Variants in RASGRF2 observed in about 807,000 individuals in gnomAD.
RASGRF2 encodes the protein ras-specific guanine nucleotide-releasing factor 2.
In RASGRF2, 76 loss-of-function variants were observed where a neutral mutation model predicts 151.0. The ratio of observed to expected loss-of-function variants is 0.50; its 90% CI spans 0.42 to 0.61. The LOEUF is 0.61. Among genes scored for constraint, RASGRF2 ranks in the 20% least tolerant of loss-of-function variants. RASGRF2 has a pLI of 0.00. For missense variants in RASGRF2, 1,148 were observed against 1,564.6 expected (o/e 0.73, Z 4.49); for synonymous variants, 504 against 566.5 (o/e 0.89, Z 1.57).
chr5:81,062,509 T>G (rs1414788852), intron 2 of RASGRF2, among the ~76,000 whole-genome samples: 1 of 152,240 alleles, frequency 6.6e-6, no homozygotes, highest in African/African-American at 2.4e-5. Context: ...TTTTCTTTCA[T>G]TATTATTTAT....
At chr5:80,969,426 G>A (rs1193517575) in intron 1 of RASGRF2, among the ~76,000 whole-genome samples, 1 of 149,564 alleles carries the variant, frequency 6.7e-6, no homozygotes, top group African/African-American at 2.5e-5. Flanking sequence ...GAGCCACCAC[G>A]ACTGGCCAGC....
At chr5:81,005,857 G>A (rs1749251589) in intron 1 of RASGRF2, among the ~76,000 whole-genome samples, 1 of 152,172 alleles carries the variant, frequency 6.6e-6, no homozygotes, top group Non-Finnish European at 1.5e-5. Context: ...TGATAGAGAG[G>A]GCATTAAGTC....
At chr5:81,010,499 G>A (rs1561552570) in intron 1 of RASGRF2, among the ~76,000 whole-genome samples, 2 of 152,130 alleles carry the variant, frequency 1.3e-5, no homozygotes, top group South Asian at 2.1e-4. Context: ...TGGAGAGTTC[G>A]AGAGAAGTTT....
intron 2 of RASGRF2, among the ~76,000 whole-genome samples, chr5:81,057,068 C>T (rs550271611): frequency 6.3e-4 from 96 of 152,130 alleles, no homozygotes; most frequent in African/African-American, 2.2e-3. Context: ...CACACTGATG[C>T]GTGTTGACTC....
At chr5:81,097,182 A>G (rs934845078) in intron 12 of RASGRF2, among the ~76,000 whole-genome samples, 1 of 152,112 alleles carries the variant, frequency 6.6e-6, no homozygotes, top group African/African-American at 2.4e-5. Flanking sequence ...GGTGGTCTCA[A>G]ACTTCTGACC....
intron 1 of RASGRF2, among the ~76,000 whole-genome samples, chr5:81,003,500 G>A (rs532897525): frequency 2.5e-4 from 38 of 152,272 alleles, no homozygotes; most frequent in African/African-American, 8.7e-4. Flanking sequence ...TGGGATTACA[G>A]GCGTGAGCCA....
chr5:80,986,791 C>G (rs1247253817), intron 1 of RASGRF2, among the ~76,000 whole-genome samples: 1 of 152,212 alleles, frequency 6.6e-6, no homozygotes, highest in African/African-American at 2.4e-5. Flanking sequence ...CACCTCCTTT[C>G]CAATTCATTC....
At chr5:81,122,357 A>G (rs1270449727) in intron 15 of RASGRF2, among the ~76,000 whole-genome samples, 4 of 152,050 alleles carry the variant, frequency 2.6e-5, no homozygotes, top group Non-Finnish European at 5.9e-5. Context: ...AGTTATTTAG[A>G]AAATAATAAA....
chr5:80,989,435 C>T (rs541624), intron 1 of RASGRF2, among the ~76,000 whole-genome samples: 72,940 of 152,012 alleles, frequency 0.48, 18,323 homozygotes, highest in Middle Eastern at 0.66. Flanking sequence ...GGAAATGTTA[C>T]TGATGATTTT....
intron 1 of RASGRF2, among the ~76,000 whole-genome samples, chr5:81,029,505 G>T (rs1750160537): frequency 6.6e-6 from 1 of 152,180 alleles, no homozygotes; most frequent in African/African-American, 2.4e-5. Context: ...TTGCTGTTCT[G>T]CAGCCTCCGC....
intron 2 of RASGRF2, among the ~76,000 whole-genome samples, chr5:81,066,169 G>A (rs962019680): frequency 6.6e-6 from 1 of 151,794 alleles, no homozygotes; most frequent in Admixed American, 6.6e-5. Flanking sequence ...TCTCCCTTAA[G>A]TTCTCCCACA....
intron 7 of RASGRF2, among the ~76,000 whole-genome samples, chr5:81,083,242 C>T (rs1040232269): frequency 5.3e-5 from 8 of 150,354 alleles, no homozygotes; most frequent in Non-Finnish European, 1.0e-4. Flanking sequence ...TAAGGGTGGA[C>T]GCCTCAGGAT....
At chr5:81,157,420 A>G (rs1325676266) in intron 17 of RASGRF2, among the ~76,000 whole-genome samples, 2 of 152,120 alleles carry the variant, frequency 1.3e-5, no homozygotes, top group African/African-American at 4.8e-5. Flanking sequence ...AAAGTCCTAT[A>G]AAGTACCAAA....
chr5:81,219,914 C>T, intron 26 of RASGRF2, 136 bp downstream of exon 26: 2 of 503,754 alleles, frequency 4.0e-6, no homozygotes, highest in Non-Finnish European at 6.8e-6. Flanking sequence ...AAATCTTTGG[C>T]TAGTCTGATT....
In RASGRF2 at chr5:81,094,950, C is replaced by G; in HGVS notation, c.1713C>G (p.Pro571=). The G allele has an allele frequency of 6.3e-7, 1 of 1,590,034 alleles. No homozygotes were observed. The highest frequency in any genetic ancestry group is 8.6e-7 in the Non-Finnish European group (1 of 1,167,492). Reference sequence around the variant, plus strand: ...CCTTCACTGTTGTCTTGTTAGCACCCTCACGCCAGGAGAAAGCTGCCTGGA... The same window carrying G: ...CCTTCACTGTTGTCTTGTTAGCACCGTCACGCCAGGAGAAAGCTGCCTGGA... ...AAAFTVVLLA[P]SRQEKAAWMS... The change falls in exon 12 of 27, where the codon CCC becomes CCG. Residue 571 remains proline, a synonymous_variant. Coordinates refer to ENST00000265080, the MANE Select transcript of RASGRF2 (RefSeq NM_006909.3).
intron 2 of RASGRF2, among the ~76,000 whole-genome samples, chr5:81,050,538 C>G (rs556876930): frequency 2.0e-5 from 3 of 152,104 alleles, no homozygotes; most frequent in Non-Finnish European, 4.4e-5. Context: ...CTGACCTCTG[C>G]GAACTCCTCG....
chr5:81,113,422 A>G, intron 14 of RASGRF2, 116 bp from the exon 15 acceptor site: 1 of 1,234,086 alleles, frequency 8.1e-7, no homozygotes, highest in Non-Finnish European at 1.1e-6. Context: ...GAAGTCCAGC[A>G]ATAGAAGTGC....
intron 1 of RASGRF2, among the ~76,000 whole-genome samples, chr5:80,977,116 A>G (rs1474021635): frequency 1.3e-5 from 2 of 152,162 alleles, no homozygotes; most frequent in African/African-American, 2.4e-5. Context: ...GTTTCCTCCC[A>G]TGAACATGAG....
At chr5:81,100,097 C>T (rs1476066145) in intron 12 of RASGRF2, among the ~76,000 whole-genome samples, 3 of 151,854 alleles carry the variant, frequency 2.0e-5, no homozygotes, top group Admixed American at 6.6e-5. Context: ...TTAGTAGAGA[C>T]GAGGTTTCAC....
Sources: gnomAD v4.1 joint callset for allele counts (sites outside exome capture counted in the v4.1 genomes callset) on GRCh38, gnomAD v4.1.1 for gene constraint, MANE v1.5 for transcripts, NCBI Gene and HGNC (gene_info 2026-07-23, HGNC 2026-07-21) for gene names.